The following OR2A42 variants were observed in gnomAD, a reference collection of about 807,000 sequenced individuals.
OR2A42 encodes olfactory receptor family 2 subfamily A member 42.
For missense variants in OR2A42, 3 were observed against 104.1 expected (o/e 0.03, Z 4.23); for synonymous variants, 5 against 46.4 (o/e 0.11, Z 3.63).
At chr7:144,238,833 A>G (rs563270653) in intron 1 of OR2A42, 90 bp from the exon 2 acceptor site, 1 of 150,126 alleles carries the variant, frequency 6.7e-6, no homozygotes, top group African/African-American at 2.5e-5. Flanking sequence ...CGACAGCCAC[A>G]GAGCACACCT....
rs540189743 is a variant in OR2A42, at chr7:144,230,521, A to ATGTGTGTGTG, written c.*1380_*1389dup. On this transcript the variant is annotated 3_prime_UTR_variant, in exon 3 of 3. Transcript: ENST00000641810. Reference sequence around the variant, plus strand: ...GTGCTTCACTAAGCACTGTGCGTATATGTGTGTGTGTGTGTGTGCGCGCAC... The same window carrying ATGTGTGTGTG: ...GTGCTTCACTAAGCACTGTGCGTATATGTGTGTGTGTGTGTGTGTGTGTGTGTGCGCGCAC... 236 of 144,842 alleles carry ATGTGTGTGTG rather than the reference A, an allele frequency of 1.6e-3. 1 individual carries two copies. Among genetic ancestry groups the ATGTGTGTGTG allele is most frequent in the African/African-American group, 6.2e-3 (227 of 36,644 alleles). 9.0% of individuals were successfully genotyped at this position (144,842 alleles called of 1,614,324 possible). A position where few individuals can be genotyped will look rare whatever the true frequency, so the allele number is the denominator to read the frequency against.
In OR2A42 at chr7:144,230,622, GT is replaced by G; in HGVS notation, c.*1288del. On this transcript the variant is annotated 3_prime_UTR_variant, in exon 3 of 3. Transcript: ENST00000641810. ...TCTGGATCTTACCACCCAGAACCAA[GT>G]ATAGTTCTAAACTTACTCTCTAATC... is the stretch of plus-strand genomic sequence containing the variant. 6.7e-6 allele frequency: 1 copy of G among 149,346 alleles called. No homozygotes were observed. The highest frequency in any genetic ancestry group is 1.5e-5 in the Non-Finnish European group (1 of 67,158). The allele number at this position is 149,346 out of a possible 1,614,324, so 9.3% of individuals were successfully genotyped here.
rs2052365143 is a variant in OR2A42, at chr7:144,230,758, CT to C, written c.*1152del. The C allele has an allele frequency of 9.1e-6, 1 of 109,738 alleles. No homozygotes were observed. The highest frequency in any genetic ancestry group is 3.6e-5 in the African/African-American group (1 of 27,736). The allele number at this position is 109,738 out of a possible 1,614,324, so 6.8% of individuals were successfully genotyped here. A position where few individuals can be genotyped will look rare whatever the true frequency, so the allele number is the denominator to read the frequency against. On this transcript the variant is annotated 3_prime_UTR_variant, in exon 3 of 3. Coordinates refer to ENST00000641810, the MANE Select transcript of OR2A42 (RefSeq NM_001001802.3). Reference sequence around the variant, plus strand: ...GGACTCGTCAAACAGGATAAGAAGCCTTCCATAAATAATCTCTGACTCTCCT... The same window carrying C: ...GGACTCGTCAAACAGGATAAGAAGCCTCCATAAATAATCTCTGACTCTCCT...
intron 2 of OR2A42, among the ~76,000 whole-genome samples, chr7:144,235,196 C>T (rs188356183): frequency 8.8e-5 from 13 of 146,896 alleles, no homozygotes; most frequent in African/African-American, 3.1e-4. Flanking sequence ...GGTTCAAGTG[C>T]TCCTCCCACC....
chr7:144,229,803 C>G lies in OR2A42; in HGVS notation c.*2108G>C, dbSNP rs1184144651. On this transcript the variant is annotated 3_prime_UTR_variant, in exon 3 of 3. Transcript: ENST00000641810. ...ATTTCATTGTTATTATTGTTGGAGA[C>G]AAGGTCTCACTCTGTCACCCAGGCT... 2.7e-5 allele frequency: 4 copies of G among 150,682 alleles called. No individual in the cohort carries two copies. The highest frequency in any genetic ancestry group is 7.3e-5 in the African/African-American group (3 of 41,188). The allele number at this position is 150,682 out of a possible 1,614,324, so 9.3% of individuals were successfully genotyped here.
Position 144,238,516 on chromosome 7 carries a change from C to A in OR2A42, c.-89G>T, listed in dbSNP as rs1405327061. ...GAATTCATGGTAAAGTAAAAAGAGG[C>A]AACCTGGTTAGCTCCCACATTTGGA... On this transcript the variant is annotated 5_prime_UTR_variant, in exon 2 of 3. Coordinates refer to ENST00000641810, the MANE Select transcript of OR2A42 (RefSeq NM_001001802.3). 4.7e-5 allele frequency: 7 copies of A among 150,450 alleles called. No individual in the cohort carries two copies. The highest frequency in any genetic ancestry group is 1.7e-4 in the African/African-American group (7 of 40,798). 9.3% of individuals were successfully genotyped at this position (150,450 alleles called of 1,614,324 possible).
rs1248728502 is a variant in OR2A42, at chr7:144,228,958, G to T, written c.*2953C>A. ...AGCCTTTGCCAGCTGACTCACAGAG[G>T]TTCCCTGAGTCTGGGCCACAGCTCA... On this transcript the variant is annotated 3_prime_UTR_variant, in exon 3 of 3. Transcript: ENST00000641810. 2 of 149,490 alleles carry T rather than the reference G, an allele frequency of 1.3e-5. No homozygotes were observed. Among genetic ancestry groups the T allele is most frequent in the African/African-American group, 4.9e-5 (2 of 40,962 alleles). 9.3% of individuals were successfully genotyped at this position (149,490 alleles called of 1,614,324 possible).
chr7:144,238,854 A>C (rs2052465678), intron 1 of OR2A42, 111 bp from the exon 2 acceptor site: 1 of 149,902 alleles, frequency 6.7e-6, no homozygotes. Context: ...CTGAGACAAC[A>C]TCTTTCATTA....
chr7:144,229,801 G>C lies in OR2A42; in HGVS notation c.*2110C>G, dbSNP rs150544898. On this transcript the variant is annotated 3_prime_UTR_variant, in exon 3 of 3. Transcript: ENST00000641810. ...TTATTTCATTGTTATTATTGTTGGAGACAAGGTCTCACTCTGTCACCCAGG... is the reference window on the plus strand; with the variant it reads ...TTATTTCATTGTTATTATTGTTGGACACAAGGTCTCACTCTGTCACCCAGG... 0.13 allele frequency: 14,205 copies of C among 107,452 alleles called. 220 individuals are homozygous for C. The highest frequency in any genetic ancestry group is 0.15 in the African/African-American group (4,249 of 28,828). 6.7% of individuals were successfully genotyped at this position (107,452 alleles called of 1,614,324 possible). A position where few individuals can be genotyped will look rare whatever the true frequency, so the allele number is the denominator to read the frequency against.
chr7:144,237,553 C>A lies in OR2A42; in HGVS notation c.-5+879G>T, dbSNP rs2052445698. Reference sequence around the variant, plus strand: ...ATTCAGTCCAAAGACGGTAAAAAAACAAACAAACAAACAACAACAAAAAAA... The same window carrying A: ...ATTCAGTCCAAAGACGGTAAAAAAAAAAACAAACAAACAACAACAAAAAAA... On this transcript the variant is annotated intron_variant, in intron 2 of 2. Transcript: ENST00000641810. Among the ~76,000 whole-genome samples the A allele has an allele frequency of 2.1e-5, 3 of 146,260 alleles. No individual in the cohort carries two copies. In the South Asian group the frequency reaches 6.6e-4, roughly 32 times the overall value.
In OR2A42 at chr7:144,237,912, T is replaced by C. The variant is rs2052452367; in HGVS notation, c.-5+520A>G. 2.1e-5 allele frequency among the ~76,000 whole-genome samples: 3 copies of C among 146,014 alleles called. No homozygotes were observed. In the South Asian group the frequency reaches 6.6e-4, roughly 32 times the overall value. On this transcript the variant is annotated intron_variant, in intron 2 of 2. Transcript: ENST00000641810. ...AGCACATATCTTAGCCTCTCCAAAC[T>C]CGTTTCCTCTTTTTTAAAAAGGAGA... is the stretch of plus-strand genomic sequence containing the variant.
intron 2 of OR2A42, among the ~76,000 whole-genome samples, chr7:144,235,334 GA>G (rs1297861539): frequency 1.7e-4 from 26 of 151,078 alleles, no homozygotes; most frequent in East Asian, 9.6e-4. Flanking sequence ...ATTATACAAA[GA>G]AAAAAAATCC....
In OR2A42 at chr7:144,228,331, G is replaced by A. The variant is rs1455231500; in HGVS notation, c.*3580C>T. ...TCAGGAGGTCCTCTGCAAGAGAGTGGCTCAGAATTTATTTACAGTCAGACT... is the reference window on the plus strand; with the variant it reads ...TCAGGAGGTCCTCTGCAAGAGAGTGACTCAGAATTTATTTACAGTCAGACT... On this transcript the variant is annotated 3_prime_UTR_variant, in exon 3 of 3. Coordinates refer to ENST00000641810, the MANE Select transcript of OR2A42 (RefSeq NM_001001802.3). 101 of 129,476 alleles carry A rather than the reference G, an allele frequency of 7.8e-4. No homozygotes were observed. Among genetic ancestry groups the A allele is most frequent in the African/African-American group, 2.7e-3 (92 of 34,062 alleles). The allele number at this position is 129,476 out of a possible 1,614,324, so 8.0% of individuals were successfully genotyped here.
At chr7:144,235,671 T>C (rs2052418563) in intron 2 of OR2A42, among the ~76,000 whole-genome samples, 2 of 152,212 alleles carry the variant, frequency 1.3e-5, no homozygotes, top group African/African-American at 2.4e-5. Context: ...AAGACACTTT[T>C]GTTTTCTTTT....
intron 2 of OR2A42, among the ~76,000 whole-genome samples, chr7:144,235,085 A>G (rs1229323224): frequency 6.8e-6 from 1 of 147,040 alleles, no homozygotes; most frequent in African/African-American, 2.6e-5. Flanking sequence ...AGTAGCTGGG[A>G]TTACAGGTGC....
chr7:144,238,115 C>A (rs2052454961), intron 2 of OR2A42, among the ~76,000 whole-genome samples: 1 of 111,232 alleles, frequency 9.0e-6, no homozygotes, highest in Admixed American at 9.3e-5. Flanking sequence ...AGCATTGCCT[C>A]TTCAAGGTTC....
Position 144,228,572 on chromosome 7 carries a change from C to T in OR2A42, c.*3339G>A, listed in dbSNP as rs2128818803. ...ATTATCAGCTACAATTAAATTTCTA[C>T]TGTAGTATGACCTAAAATTAGAGGG... On this transcript the variant is annotated 3_prime_UTR_variant, in exon 3 of 3. Coordinates refer to ENST00000641810, the MANE Select transcript of OR2A42 (RefSeq NM_001001802.3). The T allele has an allele frequency of 8.1e-6, 1 of 122,720 alleles. No individual in the cohort carries two copies. Among genetic ancestry groups the T allele is most frequent in the South Asian group, 2.8e-4 (1 of 3,536 alleles). The allele number at this position is 122,720 out of a possible 1,614,324, so 7.6% of individuals were successfully genotyped here. A position where few individuals can be genotyped will look rare whatever the true frequency, so the allele number is the denominator to read the frequency against.
rs1178644381 is a variant in OR2A42 at position 144,230,305 on chromosome 7, G to A, written c.*1606C>T. ...TCTTTGATTTTTATATAATGGTTAC[G>A]ATTATGGGTTCAGCAGTCATATTGC... On this transcript the variant is annotated 3_prime_UTR_variant, in exon 3 of 3. Coordinates refer to ENST00000641810, the MANE Select transcript of OR2A42 (RefSeq NM_001001802.3). The A allele has an allele frequency of 3.3e-5, 4 of 119,636 alleles. No homozygotes were observed. The highest frequency in any genetic ancestry group is 8.7e-5 in the Admixed American group (1 of 11,476). The allele number at this position is 119,636 out of a possible 1,614,324, so 7.4% of individuals were successfully genotyped here.
At chr7:144,235,216 C>T (rs1486467197) in intron 2 of OR2A42, among the ~76,000 whole-genome samples, 2 of 147,226 alleles carry the variant, frequency 1.4e-5, no homozygotes, top group Non-Finnish European at 3.0e-5. Context: ...CTCAGCCTCC[C>T]AAAGTGCTGG....
Sources: allele counts gnomAD v4.1 joint callset (sites outside exome capture counted in the v4.1 genomes callset), GRCh38; gene constraint gnomAD v4.1.1; transcripts MANE v1.5; gene names NCBI Gene and HGNC (gene_info 2026-07-23, HGNC 2026-07-21).